Variants in RIMS1 observed in about 807,000 individuals in gnomAD.
RIMS1 encodes regulating synaptic membrane exocytosis protein 1.
In RIMS1, 83 loss-of-function variants were observed where a neutral mutation model predicts 214.1. The ratio of observed to expected loss-of-function variants is 0.39; its 90% confidence interval spans 0.32 to 0.47. The LOEUF is 0.47. RIMS1 is among the 20% of genes least tolerant of loss of function. The pLI, the probability that RIMS1 is intolerant of heterozygous loss-of-function variation, is 0.99. For missense variants in RIMS1, 2,050 were observed against 2,161.8 expected (o/e 0.95, Z 1.03); for synonymous variants, 793 against 786.8 (o/e 1.01, Z -0.13).
intron 4 of RIMS1, among the ~76,000 whole-genome samples, chr6:72,159,870 C>A (rs537079124): frequency 2.1e-5 from 3 of 139,658 alleles, no homozygotes; most frequent in African/African-American, 7.4e-5. Flanking sequence ...CTTGGCAATG[C>A]GGGCTCTTTT....
intron 2 of RIMS1, among the ~76,000 whole-genome samples, chr6:72,074,835 G>A (rs1439563930): frequency 6.6e-6 from 1 of 152,136 alleles, no homozygotes; most frequent in Non-Finnish European, 1.5e-5. Context: ...TGATTTCTGG[G>A]TGTAATTAAC....
chr6:72,019,458 C>A (rs529154982), intron 2 of RIMS1, among the ~76,000 whole-genome samples: 2 of 152,250 alleles, frequency 1.3e-5, no homozygotes, highest in East Asian at 1.9e-4. Flanking sequence ...ATGTGACAAT[C>A]TTTTCTTACA....
intron 2 of RIMS1, among the ~76,000 whole-genome samples, chr6:72,036,548 T>C (rs1173182687): frequency 2.6e-5 from 4 of 152,166 alleles, no homozygotes; most frequent in African/African-American, 9.6e-5. Context: ...TCTACTTCCA[T>C]CCTCAGCTCT....
chr6:71,991,752 G>T (rs777726918), intron 2 of RIMS1, among the ~76,000 whole-genome samples: 1 of 152,104 alleles, frequency 6.6e-6, no homozygotes, highest in African/African-American at 2.4e-5. Flanking sequence ...AAAATTACTT[G>T]TATGTTAACC....
In RIMS1 at chr6:72,165,527, G is replaced by A. The variant is rs575709640; in HGVS notation, c.472-14048G>A. On this transcript the variant is annotated intron_variant, in intron 4 of 33. Coordinates refer to ENST00000521978, the MANE Select transcript of RIMS1 (RefSeq NM_014989.7). The stretch of plus-strand genomic sequence containing the variant: ...TTTCTGCCTTTATATCTATCTGTGT[G>A]TGTCTCTCTCTTTTCATGTGGTATT... Among the ~76,000 whole-genome samples, 5 of 152,006 alleles carry A rather than the reference G, an allele frequency of 3.3e-5. No homozygotes were observed. In the East Asian group the frequency reaches 9.7e-4, roughly 29 times the overall value.
At chr6:71,982,177 A>G (rs1030115903) in intron 2 of RIMS1, among the ~76,000 whole-genome samples, 9 of 152,118 alleles carry the variant, frequency 5.9e-5, no homozygotes, top group African/African-American at 1.7e-4. Context: ...CATTTCCACC[A>G]TCTATTATCC....
chr6:72,179,367 C>A, intron 4 of RIMS1: 1 of 601,086 alleles, frequency 1.7e-6, no homozygotes, highest in South Asian at 1.8e-5. Flanking sequence ...ACTCTGGCTG[C>A]TGAGAGGCTC....
chr6:72,094,934 AATTATT>A (rs1026137097), intron 2 of RIMS1, among the ~76,000 whole-genome samples: 4 of 150,258 alleles, frequency 2.7e-5, no homozygotes, highest in Admixed American at 1.3e-4. Context: ...CTTATTACTT[AATTATT>A]ATTATTATTA....
chr6:72,133,196 A>G (rs2040727171), intron 4 of RIMS1, among the ~76,000 whole-genome samples: 1 of 151,436 alleles, frequency 6.6e-6, no homozygotes, highest in Admixed American at 6.6e-5. Flanking sequence ...CTCATAGTTT[A>G]TTCATAGCTC....
chr6:72,004,902 T>C (rs1188933949), intron 2 of RIMS1, among the ~76,000 whole-genome samples: 1 of 152,062 alleles, frequency 6.6e-6, no homozygotes. Flanking sequence ...ATTTTGGCTT[T>C]TGTTGTCATT....
intron 4 of RIMS1, among the ~76,000 whole-genome samples, chr6:72,104,799 T>TA (rs796464359): frequency 7.9e-5 from 12 of 152,028 alleles, no homozygotes; most frequent in South Asian, 6.2e-4. Flanking sequence ...TGTTTTTTTT[T>TA]AAAAAATAAT....
At chr6:72,195,845 C>T (rs148235093) in intron 6 of RIMS1, among the ~76,000 whole-genome samples, 91 of 152,132 alleles carry the variant, frequency 6.0e-4, no homozygotes, top group Middle Eastern at 3.4e-3. Flanking sequence ...CTGGGGAGGC[C>T]TCAAGAAACT....
chr6:71,907,099 T>C (rs953420103), intron 1 of RIMS1, among the ~76,000 whole-genome samples: 4 of 152,164 alleles, frequency 2.6e-5, no homozygotes, highest in African/African-American at 9.7e-5. Context: ...TACACAGAAG[T>C]TGGGTGCTTT....
At chr6:71,901,856 T>C (rs1291957314) in intron 1 of RIMS1, among the ~76,000 whole-genome samples, 3 of 152,096 alleles carry the variant, frequency 2.0e-5, no homozygotes, top group Non-Finnish European at 4.4e-5. Flanking sequence ...TTGTATTCGG[T>C]AACAAGGAGA....
Position 72,159,542 on chromosome 6 carries a change from A to G in RIMS1, c.472-20033A>G, listed in dbSNP as rs1477197584. 1.4e-5 allele frequency among the ~76,000 whole-genome samples: 2 copies of G among 140,768 alleles called. 1 individual carries two copies. Among genetic ancestry groups the G allele is most frequent in the Non-Finnish European group, 3.2e-5 (2 of 61,974 alleles). The allele number at this position is 140,768 out of a possible 152,430, so 92.3% of individuals were successfully genotyped here. ...TTCTAGGTCTAACATTTAAATCTTT[A>G]ATCCATCTTGAATTAATTTTTGTGT... On this transcript the variant is annotated intron_variant, in intron 4 of 33. Transcript: ENST00000521978.
At chr6:72,326,155 G>A (rs2096456672) in intron 28 of RIMS1, among the ~76,000 whole-genome samples, 1 of 151,738 alleles carries the variant, frequency 6.6e-6, no homozygotes, top group South Asian at 2.1e-4. Flanking sequence ...TAGAATTATG[G>A]TAGACTTCTA....
chr6:72,030,926 T>C (rs945863897), intron 2 of RIMS1, among the ~76,000 whole-genome samples: 2 of 152,168 alleles, frequency 1.3e-5, no homozygotes, highest in African/African-American at 2.4e-5. Context: ...ACAGAAGGAA[T>C]TGAAACATAC....
Position 72,203,153 on chromosome 6 carries a change from A to G in RIMS1, c.1678+20004A>G, listed in dbSNP as rs984427526. ...CAGGTGCCTGCCACCACATTTGGCT[A>G]ATTTTTTGTATTTTTAATAGAGGCG... On this transcript the variant is annotated intron_variant, in intron 6 of 33. Transcript: ENST00000521978. Among the ~76,000 whole-genome samples, 27 of 151,780 alleles carry G rather than the reference A, an allele frequency of 1.8e-4. 1 individual carries two copies. The highest frequency in any genetic ancestry group is 3.8e-4 in the Non-Finnish European group (26 of 67,960).
At chr6:72,390,793 G>T in intron 30 of RIMS1, 57 bp downstream of exon 30, 4 of 1,577,370 alleles carry the variant, frequency 2.5e-6, no homozygotes, top group Non-Finnish European at 2.6e-6. Flanking sequence ...GTACTAATCA[G>T]TAAGATAACA....
Sources: gnomAD v4.1 joint callset for allele counts (sites outside exome capture counted in the v4.1 genomes callset) on GRCh38, gnomAD v4.1.1 for gene constraint, MANE v1.5 for transcripts, NCBI Gene and HGNC (gene_info 2026-07-23, HGNC 2026-07-21) for gene names.